NOS3: variants seen among roughly 807,000 people sequenced by gnomAD.
NOS3 encodes the protein NOS type III.
In NOS3, 98 loss-of-function variants were observed where a neutral mutation model predicts 144.9. That is an observed-to-expected ratio of 0.68 (90% confidence interval 0.57 to 0.80). NOS3 has a LOEUF of 0.80. Among genes scored for constraint, NOS3 ranks in the 30% least tolerant of loss-of-function variants. The pLI is 0.00. For missense variants in NOS3, 1,465 were observed against 1,656.4 expected (o/e 0.88, Z 2.01); for synonymous variants, 714 against 702.4 (o/e 1.02, Z -0.26).
At chr7:151,009,138 A>C (rs369016944) in intron 18 of NOS3, 51 bp from the exon 19 acceptor site, 11 of 1,612,588 alleles carry the variant, frequency 6.8e-6, no homozygotes, top group Non-Finnish European at 9.3e-6. Flanking sequence ...CTCTGGGGCC[A>C]GGCCCTGCTC....
rs1428503105 is a variant in NOS3, at chr7:151,001,935, G to T, written c.1617G>T (p.Gly539=). Residue 539 remains glycine (G), a synonymous_variant, in exon 13 of 27, where the codon GGG becomes GGT. Coordinates refer to ENST00000297494, the MANE Select transcript of NOS3 (RefSeq NM_000603.5). ...GRAQSYAQQL[G]RLFRKAFDPR... ...CCCAGAGCTACGCACAGCAGCTGGG[G>T]AGACTCTTCCGGAAGGCTTTTGATC... 3 of 1,613,450 alleles carry T rather than the reference G, an allele frequency of 1.9e-6. No homozygotes were observed. The highest frequency in any genetic ancestry group is 1.3e-5 in the African/African-American group (1 of 74,944).
intron 17 of NOS3, among the ~76,000 whole-genome samples, chr7:151,007,580 TGCAGG>T (rs769695075): frequency 6.6e-6 from 1 of 150,564 alleles, no homozygotes; most frequent in Admixed American, 6.6e-5. Flanking sequence ...AGGGAGGGGG[TGCAGG>T]GCAGGGCAGG....
Position 151,009,393 on chromosome 7 carries a change from C to T in NOS3, c.2325-5C>T. The T allele has an allele frequency of 2.6e-6, 4 of 1,512,260 alleles. No homozygotes were observed. The highest frequency in any genetic ancestry group is 2.5e-5 in the East Asian group (1 of 39,242). The allele number at this position is 1,512,260 out of a possible 1,614,324, so 93.7% of individuals were successfully genotyped here. On this transcript the variant is annotated splice_polypyrimidine_tract_variant and splice_region_variant and intron_variant, in intron 19 of 26. Transcript: ENST00000297494. ...CCCCATAAGTGCCCCTCTCCCCACCCCCAGGAGGGCCACCATCCTGGTGCG... is the reference window on the plus strand; with the variant it reads ...CCCCATAAGTGCCCCTCTCCCCACCTCCAGGAGGGCCACCATCCTGGTGCG...
In NOS3 at chr7:151,014,148, C is replaced by T. The variant is rs781344479; in HGVS notation, c.3591C>T (p.Gly1197=). 1.3e-5 allele frequency: 21 copies of T among 1,608,906 alleles called. No homozygotes were observed. The South Asian group carries it at 1.9e-4, about 14-fold the overall frequency. The part of the protein sequence containing the change: ...GAVPWAFDPP[G]SDTNSP Reference sequence around the variant, plus strand: ...TGCCCTGGGCGTTCGACCCTCCCGGCTCAGACACCAACAGCCCCTGAGAGC... The same window carrying T: ...TGCCCTGGGCGTTCGACCCTCCCGGTTCAGACACCAACAGCCCCTGAGAGC... The change falls in exon 27 of 27, where the codon GGC becomes GGT. Residue 1197 remains glycine, a synonymous_variant. Transcript: ENST00000297494.
At position 151,006,518 on chromosome 7, in the gene NOS3, G is replaced by T. The variant is rs1303969069; in HGVS notation, c.1820+24G>T. ...AAGTGAGTTGGGTGAGAGTTTGGGG[G>T]AGCTGGGGGAGCTGATGCATTTGGA... is the stretch of plus-strand genomic sequence containing the variant. On this transcript the variant is annotated intron_variant, in intron 15 of 26. Transcript: ENST00000297494. 2.5e-6 allele frequency: 4 copies of T among 1,580,222 alleles called. No homozygotes were observed. The East Asian group carries it at 9.0e-5, about 35-fold the overall frequency.
intron 18 of NOS3, 39 bp downstream of exon 18, chr7:151,009,101 A>G (rs1247794169): frequency 1.2e-6 from 2 of 1,612,762 alleles, no homozygotes; most frequent in Non-Finnish European, 1.7e-6. Flanking sequence ...TGGTTCTCTG[A>G]GGCCCCCACA....
rs187132464 is a variant in NOS3 at position 151,009,047 on chromosome 7, C to T, written c.2230C>T (p.Leu744=). Residue 744 remains leucine (L), a synonymous_variant, in exon 18 of 27, where the codon CTG becomes TTG. Transcript: ENST00000297494. ...CCGGCTGAGCGCCCAGGCCGAGGGC[C>T]TGCAGTTGCTGCCAGGTGGGCCCTG... ...RYRLSAQAEG[L]QLLPGLIHVH... 4.0e-5 allele frequency: 64 copies of T among 1,612,848 alleles called. No homozygotes were observed. In the Admixed American group the frequency reaches 9.5e-4, roughly 24 times the overall value.
rs987500322 is a variant in NOS3, at chr7:150,998,187, T to C, written c.583-170T>C. On this transcript the variant is annotated intron_variant, in intron 5 of 26. Coordinates refer to ENST00000297494, the MANE Select transcript of NOS3 (RefSeq NM_000603.5). This position sits in a 1 kb window ranked among gnomAD's most constrained non-coding sequence, Gnocchi z 5.0. The stretch of plus-strand genomic sequence containing the variant: ...GAGAAGCAGCCCGGATGGTGCTACA[T>C]ATGTCAGAGAGCAGGGCAGGAAGGG... 3.3e-5 allele frequency among the ~76,000 whole-genome samples: 5 copies of C among 152,042 alleles called. No homozygotes were observed. Among genetic ancestry groups the C allele is most frequent in the African/African-American group, 9.7e-5 (4 of 41,392 alleles).
At chr7:151,004,726 GAAAC>G (rs1004784713) in intron 14 of NOS3, among the ~76,000 whole-genome samples, 1 of 152,228 alleles carries the variant, frequency 6.6e-6, no homozygotes, top group African/African-American at 2.4e-5. Flanking sequence ...ATAAAGTTCA[GAAAC>G]AGGCAGAACT....
At chr7:151,001,465 C>T (rs746248441) in intron 11 of NOS3, 40 bp downstream of exon 11, 2 of 1,599,460 alleles carry the variant, frequency 1.3e-6, no homozygotes, top group African/African-American at 1.3e-5. Flanking sequence ...GGGCCCAGCT[C>T]TAATTCTAAG....
chr7:151,001,581 G>C lies in NOS3; in HGVS notation c.1466G>C (p.Gly489Ala). The change falls in exon 12 of 27, where the codon GGC becomes GCC. Residue 489 changes from glycine (G) to alanine (A), a missense_variant. Physicochemically the swap from Gly to Ala is moderately conservative, Grantham distance 60 (BLOSUM62 0). Around this residue, in one of 5 missense-constraint regions of NOS3, gnomAD observed 745 missense variants for 853.9 expected, o/e 0.87. Transcript: ENST00000297494. ...PWKGSAAKGT[G>A]ITRKKTFKEV... is the part of the protein sequence containing the mutation. ...AAGGGGAGTGCCGCCAAGGGCACCG[G>C]CATCACCAGGAAGAAGACCTTTAAA... is the stretch of plus-strand genomic sequence containing the variant. The C allele has an allele frequency of 1.2e-6, 2 of 1,613,992 alleles. No individual in the cohort carries two copies. The highest frequency in any genetic ancestry group is 3.3e-5 in the Admixed American group (2 of 60,024).
In NOS3 at chr7:151,012,241, T is replaced by C. The variant is rs374459748; in HGVS notation, c.2985-110T>C. ...TTGTTTTTTGTTTTTTTTTTAATTT[T>C]TTTTTGAGATGGGAAGAACTTGGGT... On this transcript the variant is annotated intron_variant, in intron 23 of 26. Transcript: ENST00000297494. 204 of 971,074 alleles carry C rather than the reference T, an allele frequency of 2.1e-4. 2 individuals carry two copies. The Middle Eastern group carries it at 4.7e-3, about 22-fold the overall frequency. 60.2% of individuals were successfully genotyped at this position (971,074 alleles called of 1,614,324 possible).
At position 151,014,321 on chromosome 7, in the gene NOS3, G is replaced by A; in HGVS notation, c.*152G>A. 1 of 844,020 alleles carries A rather than the reference G, an allele frequency of 1.2e-6. No homozygotes were observed. The highest frequency in any genetic ancestry group is 1.8e-6 in the Non-Finnish European group (1 of 562,618). 52.3% of individuals were successfully genotyped at this position (844,020 alleles called of 1,614,324 possible). On this transcript the variant is annotated 3_prime_UTR_variant, in exon 27 of 27. Coordinates refer to ENST00000297494, the MANE Select transcript of NOS3 (RefSeq NM_000603.5). ...GGATTCAGCATTATTCCTCCAGGAA[G>A]GAGCAAAACGCCTCTTTTCCCTCTC...
At position 151,000,558 on chromosome 7, in the gene NOS3, G is replaced by T; in HGVS notation, c.1192G>T (p.Ala398Ser). ...CACCTCGTCCCTGTGGAAAGACAAG[G>T]CAGCAGTGGAAATCAACGTGGCCGT... ...RTTSSLWKDK[A>S]AVEINVAVLH... is the part of the protein sequence containing the mutation. The change falls in exon 10 of 27, where the codon GCA becomes TCA. Residue 398 changes from alanine (A) to serine (S), a missense_variant. Physicochemically the swap from Ala to Ser is moderately conservative, Grantham distance 99 (BLOSUM62 1). Coordinates refer to ENST00000297494, the MANE Select transcript of NOS3 (RefSeq NM_000603.5). The T allele has an allele frequency of 6.2e-7, 1 of 1,613,646 alleles. No individual in the cohort carries two copies.
chr7:151,013,269 C>A lies in NOS3; in HGVS notation c.3145C>A (p.Arg1049=). ...PTPMTLVFGC[R]CSQLDHLYRD... is the part of the protein sequence containing the mutation. ...TCCCATGACTTTGGTGTTCGGCTGC[C>A]GATGCTCCCAACTTGACCATCTCTA... Residue 1049 remains arginine (R), a synonymous_variant, in exon 25 of 27, where the codon CGA becomes AGA. Transcript: ENST00000297494. 6.2e-7 allele frequency: 1 copy of A among 1,613,964 alleles called. No individual in the cohort carries two copies. Among genetic ancestry groups the A allele is most frequent in the South Asian group, 1.1e-5 (1 of 91,072 alleles).
chr7:150,996,466 C>T lies in NOS3; in HGVS notation c.333C>T (p.Gly111=). ...GSLVFPRKLQ[G]RPSPGPPAPE... ...TGGTATTTCCACGGAAACTACAGGGCCGGCCCTCCCCCGGCCCCCCGGCCC... is the reference window on the plus strand; with the variant it reads ...TGGTATTTCCACGGAAACTACAGGGTCGGCCCTCCCCCGGCCCCCCGGCCC... Residue 111 remains glycine (G), a synonymous_variant, in exon 4 of 27, where the codon GGC becomes GGT. Coordinates refer to ENST00000297494, the MANE Select transcript of NOS3 (RefSeq NM_000603.5). 2 of 1,587,812 alleles carry T rather than the reference C, an allele frequency of 1.3e-6. No individual in the cohort carries two copies. The highest frequency in any genetic ancestry group is 8.6e-7 in the Non-Finnish European group (1 of 1,168,596).
At chr7:150,992,968 A>G (rs1802286526) in intron 1 of NOS3, among the ~76,000 whole-genome samples, 1 of 151,936 alleles carries the variant, frequency 6.6e-6, no homozygotes, top group African/African-American at 2.4e-5. Context: ...TGCTCCCACC[A>G]GGGCATCAAG....
intron 17 of NOS3, among the ~76,000 whole-genome samples, chr7:151,007,727 G>C (rs1795228391): frequency 6.6e-6 from 1 of 152,268 alleles, no homozygotes; most frequent in Admixed American, 6.5e-5. Context: ...CTGGGGCGGT[G>C]CCTGCACCGC....
intron 2 of NOS3, among the ~76,000 whole-genome samples, chr7:150,994,954 T>A (rs1463856584): frequency 6.6e-6 from 1 of 152,056 alleles, no homozygotes; most frequent in Non-Finnish European, 1.5e-5. Context: ...GCGCTGCAGG[T>A]GGGATGCGAA....
Sources: allele counts gnomAD v4.1 joint callset (sites outside exome capture counted in the v4.1 genomes callset), GRCh38; gene constraint gnomAD v4.1.1; regional missense constraint gnomAD v4.1.1; non-coding constraint Gnocchi (gnomAD v3.1); transcripts MANE v1.5; gene names NCBI Gene and HGNC (gene_info 2026-07-23, HGNC 2026-07-21).